Variants in FADS3 observed in about 807,000 individuals in gnomAD.
The protein encoded by FADS3 is fatty acid desaturase 3.
FADS3 carries 30 observed loss-of-function variants against 60.4 expected under a neutral mutation model. The ratio of observed to expected loss-of-function variants is 0.50; its 90% confidence interval spans 0.37 to 0.67. The LOEUF is 0.67. Ranked by LOEUF, FADS3 falls within the 30% of genes least tolerant of loss-of-function variation. The pLI is 0.00. For missense variants in FADS3, 432 were observed against 598.3 expected (o/e 0.72, Z 2.90); for synonymous variants, 234 against 249.3 (o/e 0.94, Z 0.58).
chr11:61,878,343 TC>T, intron 5 of FADS3, 128 bp from the exon 6 acceptor site: 5 of 1,359,148 alleles, frequency 3.7e-6, no homozygotes, highest in Non-Finnish European at 5.2e-6. Context: ...GGGCTGGTCG[TC>T]CCCAGCAGGT....
Position 61,877,478 on chromosome 11 carries a change from C to T in FADS3, c.885+33G>A, listed in dbSNP as rs747036768. 10 of 1,604,264 alleles carry T rather than the reference C, an allele frequency of 6.2e-6. No homozygotes were observed. The South Asian group carries it at 7.7e-5, about 12-fold the overall frequency. On this transcript the variant is annotated intron_variant, in intron 7 of 11. Transcript: ENST00000278829. The surrounding 1 kb of genome is among the most constrained non-coding windows in gnomAD (Gnocchi z 4.7). The stretch of plus-strand genomic sequence containing the variant: ...AGGCACCACCTCCTGCCACGGCAGC[C>T]GTATGCCCGGGGTCCTGGGCAACCC...
Position 61,879,362 on chromosome 11 carries a change from G to A in FADS3, c.472C>T (p.Pro158Ser). 1 of 1,563,740 alleles carries A rather than the reference G, an allele frequency of 6.4e-7. No individual in the cohort carries two copies. ...LAWLLIYLLG[P>S]GWVPSALAAF... Reference sequence around the variant, plus strand: ...GCCAGGGCACTGGGCACCCAGCCAGGACCCAGGAGGTAGATAAGGAGCCAG... The same window carrying A: ...GCCAGGGCACTGGGCACCCAGCCAGAACCCAGGAGGTAGATAAGGAGCCAG... Residue 158 changes from proline (P) to serine (S), a missense_variant, in exon 3 of 12, where the codon CCT becomes TCT. Around this residue, in one of 5 missense-constraint regions of FADS3, gnomAD observed 116 missense variants for 208.9 expected, o/e 0.56. Transcript: ENST00000278829.
rs1937992927 is a variant in FADS3, at chr11:61,878,397, G to A, written c.747+115C>T. 6 of 1,481,046 alleles carry A rather than the reference G, an allele frequency of 4.1e-6. No homozygotes were observed. In the South Asian group the frequency reaches 6.3e-5, roughly 16 times the overall value. The allele number at this position is 1,481,046 out of a possible 1,614,324, so 91.7% of individuals were successfully genotyped here. On this transcript the variant is annotated intron_variant, in intron 5 of 11. Coordinates refer to ENST00000278829, the MANE Select transcript of FADS3 (RefSeq NM_021727.5). ...AGACACGGGGGCAGAGCTTGGCCCA[G>A]CCAGAGTGGAGGCCAGATCAGGGGC...
At chr11:61,880,374 A>G (rs1938085378) in intron 1 of FADS3, 5 of 400,988 alleles carry the variant, frequency 1.2e-5, no homozygotes, top group Non-Finnish European at 2.2e-5. Flanking sequence ...TGCCCCATCC[A>G]CTTCACCCAG....
In FADS3 at chr11:61,873,814, T is replaced by G. The variant is rs748963808; in HGVS notation, c.1338A>C (p.Ter446CysextTer72). ...TTCTCTGCCCGCCTGGGTGTTGCCT[T>G]CACTGATGGAGGTAGGCGTCCAGCC... ...DIWLDAYLHQ[*>C] is the part of the protein sequence containing the mutation. Residue 446 changes from the stop codon to cysteine, a stop_lost, in exon 12 of 12, where the codon TGA becomes TGC. Coordinates refer to ENST00000278829, the MANE Select transcript of FADS3 (RefSeq NM_021727.5). 6.2e-7 allele frequency: 1 copy of G among 1,608,478 alleles called. No homozygotes were observed. The highest frequency in any genetic ancestry group is 1.7e-5 in the Admixed American group (1 of 59,660).
At position 61,876,652 on chromosome 11, in the gene FADS3, C is replaced by T. The variant is rs371162827; in HGVS notation, c.984-197G>A. On this transcript the variant is annotated intron_variant, in intron 8 of 11. Transcript: ENST00000278829. This position sits in a 1 kb window ranked among gnomAD's most constrained non-coding sequence, Gnocchi z 5.7. ...TGTGAGGCTGAGTCCAGAGCAGCTC[C>T]GACACCCACCGGGCCACTTACAAGC... 1.0e-3 allele frequency: 677 copies of T among 655,704 alleles called. 4 individuals are homozygous for T. In the African/African-American group the frequency reaches 0.011, roughly 11 times the overall value. 40.6% of individuals were successfully genotyped at this position (655,704 alleles called of 1,614,324 possible).
chr11:61,890,711 C>CAGA (rs1938474695), intron 1 of FADS3, among the ~76,000 whole-genome samples: 1 of 152,194 alleles, frequency 6.6e-6, no homozygotes, highest in Admixed American at 6.5e-5. Context: ...GAGCCCTTTA[C>CAGA]AGAAGCTCTT....
At chr11:61,887,432 A>G (rs1938353857) in intron 1 of FADS3, among the ~76,000 whole-genome samples, 1 of 151,998 alleles carries the variant, frequency 6.6e-6, no homozygotes, top group African/African-American at 2.4e-5. Flanking sequence ...ATCCTTTTAA[A>G]TGTCCATCAG....
chr11:61,876,586 C>T lies in FADS3; in HGVS notation c.984-131G>A, dbSNP rs1937897009. On this transcript the variant is annotated intron_variant, in intron 8 of 11. Coordinates refer to ENST00000278829, the MANE Select transcript of FADS3 (RefSeq NM_021727.5). This position sits in a 1 kb window ranked among gnomAD's most constrained non-coding sequence, Gnocchi z 5.7. ...TACAATAGGATTGTGGCCATCGCCC[C>T]CTTGCCAGTGTTTAAAGAATCTGAA... 1.3e-6 allele frequency: 1 copy of T among 758,326 alleles called. No individual in the cohort carries two copies. The highest frequency in any genetic ancestry group is 1.7e-5 in the African/African-American group (1 of 58,736). The allele number at this position is 758,326 out of a possible 1,614,324, so 47.0% of individuals were successfully genotyped here.
chr11:61,879,976 G>A (rs1938068031), intron 2 of FADS3, 65 bp downstream of exon 2: 1 of 1,356,332 alleles, frequency 7.4e-7, no homozygotes, highest in East Asian at 2.3e-5. Flanking sequence ...ATGTGGCAAT[G>A]TCTCCCAGCC....
chr11:61,877,947 A>G lies in FADS3; in HGVS notation c.808+208T>C. 2 of 611,966 alleles carry G rather than the reference A, an allele frequency of 3.3e-6. No homozygotes were observed. The highest frequency in any genetic ancestry group is 2.9e-6 in the Non-Finnish European group (1 of 344,160). 37.9% of individuals were successfully genotyped at this position (611,966 alleles called of 1,614,324 possible). A position where few individuals can be genotyped will look rare whatever the true frequency, so the allele number is the denominator to read the frequency against. Reference sequence around the variant, plus strand: ...AGGGCTGTGATGGCCCGTGGCTGCAAGGTGTCCCAGGCACGGGAGACAGCT... The same window carrying G: ...AGGGCTGTGATGGCCCGTGGCTGCAGGGTGTCCCAGGCACGGGAGACAGCT... On this transcript the variant is annotated intron_variant, in intron 6 of 11. Transcript: ENST00000278829. The surrounding 1 kb of genome is among the most constrained non-coding windows in gnomAD (Gnocchi z 4.7).
In FADS3 at chr11:61,888,100, T is replaced by C. The variant is rs1938374955; in HGVS notation, c.213+3069A>G. 2.0e-5 allele frequency among the ~76,000 whole-genome samples: 3 copies of C among 152,206 alleles called. No homozygotes were observed. The South Asian group carries it at 6.2e-4, about 31-fold the overall frequency. On this transcript the variant is annotated intron_variant, in intron 1 of 11. Transcript: ENST00000278829. The stretch of plus-strand genomic sequence containing the variant: ...CTCATCCCTCCCTGGCTGGCTCCAC[T>C]AGTATCAGGCTGCCTATGACTCTCA...
rs545215492 is a variant in FADS3 at position 61,876,729 on chromosome 11, T to A, written c.983+137A>T. ...CCCTGGGCTCCTGCCACGCTTGTGT[T>A]TATGTGATTCCACCAGCAAGCCAGG... is the stretch of plus-strand genomic sequence containing the variant. On this transcript the variant is annotated intron_variant, in intron 8 of 11. Coordinates refer to ENST00000278829, the MANE Select transcript of FADS3 (RefSeq NM_021727.5). The surrounding 1 kb of genome is among the most constrained non-coding windows in gnomAD (Gnocchi z 5.7). 7 of 807,774 alleles carry A rather than the reference T, an allele frequency of 8.7e-6. No individual in the cohort carries two copies. The highest frequency in any genetic ancestry group is 3.4e-5 in the African/African-American group (2 of 59,060). The allele number at this position is 807,774 out of a possible 1,614,324, so 50.0% of individuals were successfully genotyped here. A position where few individuals can be genotyped will look rare whatever the true frequency, so the allele number is the denominator to read the frequency against.
chr11:61,878,090 G>T (rs1937978056), intron 6 of FADS3, 65 bp downstream of exon 6: 1 of 1,468,910 alleles, frequency 6.8e-7, no homozygotes, highest in Non-Finnish European at 9.5e-7. Context: ...AGTGGTCCAG[G>T]ACAGCAGGGA....
rs1338861764 is a variant in FADS3 at position 61,891,427 on chromosome 11, G to A, written c.-46C>T. On this transcript the variant is annotated 5_prime_UTR_variant, in exon 1 of 12. Coordinates refer to ENST00000278829, the MANE Select transcript of FADS3 (RefSeq NM_021727.5). The stretch of plus-strand genomic sequence containing the variant: ...GGATCCCAGGCGGTGGCCGAGGTCC[G>A]AGCAAGACCCCGAGGGAAGCGAAGA... The A allele has an allele frequency of 1.5e-6, 2 of 1,322,872 alleles. No individual in the cohort carries two copies. The highest frequency in any genetic ancestry group is 3.7e-5 in the Admixed American group (1 of 26,916). 81.9% of individuals were successfully genotyped at this position (1,322,872 alleles called of 1,614,324 possible). A position where few individuals can be genotyped will look rare whatever the true frequency, so the allele number is the denominator to read the frequency against.
Position 61,891,420 on chromosome 11 carries a change from G to T in FADS3, c.-39C>A. The T allele has an allele frequency of 3.6e-6, 5 of 1,370,222 alleles. 1 individual carries two copies. Among genetic ancestry groups the T allele is most frequent in the Middle Eastern group, 5.3e-4 (2 of 3,746 alleles). The allele number at this position is 1,370,222 out of a possible 1,614,324, so 84.9% of individuals were successfully genotyped here. On this transcript the variant is annotated 5_prime_UTR_variant, in exon 1 of 12. Transcript: ENST00000278829. ...GTCCTGGGGATCCCAGGCGGTGGCC[G>T]AGGTCCGAGCAAGACCCCGAGGGAA...
chr11:61,876,856 C>G lies in FADS3; in HGVS notation c.983+10G>C. On this transcript the variant is annotated intron_variant, in intron 8 of 11. Transcript: ENST00000278829. This position sits in a 1 kb window ranked among gnomAD's most constrained non-coding sequence, Gnocchi z 5.7. ...TCGCCTGTGTGTGACCTCGCCACTC[C>G]CTGCCATACCTGACAGCAACAAAGA... 6.2e-7 allele frequency: 1 copy of G among 1,601,050 alleles called. No homozygotes were observed. The highest frequency in any genetic ancestry group is 8.5e-7 in the Non-Finnish European group (1 of 1,173,932).
Position 61,891,155 on chromosome 11 carries a change from T to C in FADS3, c.213+14A>G. On this transcript the variant is annotated intron_variant, in intron 1 of 11. Coordinates refer to ENST00000278829, the MANE Select transcript of FADS3 (RefSeq NM_021727.5). ...TCCACCCGCCGGTGGGTGGCTTCCT[T>C]ATGGCTTCCTTACCGTGGCGTCCTC... 1.3e-6 allele frequency: 2 copies of C among 1,553,018 alleles called. No individual in the cohort carries two copies. Among genetic ancestry groups the C allele is most frequent in the Non-Finnish European group, 1.7e-6 (2 of 1,148,024 alleles).
In FADS3 at chr11:61,877,607, A is replaced by T. The variant is rs1257847448; in HGVS notation, c.809-20T>A. On this transcript the variant is annotated intron_variant, in intron 6 of 11. Coordinates refer to ENST00000278829, the MANE Select transcript of FADS3 (RefSeq NM_021727.5). The surrounding 1 kb of genome is among the most constrained non-coding windows in gnomAD (Gnocchi z 4.7). ...GGCCGACTGCAAGAAGGGGCATGAG[A>T]GTGTTCAGGAGTGGGGCTGGGCTGC... is the stretch of plus-strand genomic sequence containing the variant. 6.2e-7 allele frequency: 1 copy of T among 1,611,058 alleles called. No individual in the cohort carries two copies. The highest frequency in any genetic ancestry group is 8.5e-7 in the Non-Finnish European group (1 of 1,178,714).
Sources: gnomAD v4.1 joint callset for allele counts (sites outside exome capture counted in the v4.1 genomes callset) on GRCh38, gnomAD v4.1.1 for gene constraint, gnomAD v4.1.1 regional missense constraint, Gnocchi (gnomAD v3.1) non-coding constraint, MANE v1.5 for transcripts, NCBI Gene and HGNC (gene_info 2026-07-23, HGNC 2026-07-21) for gene names.